HS3ST1: variants seen among roughly 807,000 people sequenced by gnomAD.
HS3ST1 encodes heparan sulfate-glucosamine 3-sulfotransferase 1, also known as heparan sulfate glucosamine 3-O-sulfotransferase 1.
Under a neutral mutation model 20.7 loss-of-function variants are expected in HS3ST1, and 8 were observed. That is an observed-to-expected ratio of 0.39 (90% CI 0.23 to 0.70). The LOEUF (loss-of-function observed/expected upper bound fraction) is 0.70, where lower values mean the gene tolerates loss of function less well. HS3ST1 is among the 30% of genes least tolerant of loss of function. The pLI, the probability that HS3ST1 is intolerant of heterozygous loss-of-function variation, is 0.46. For synonymous variants in HS3ST1, 205 were observed against 190.4 expected, an observed-to-expected ratio of 1.08 and a Z score of -0.63; for missense variants, 436 against 423.4, an observed-to-expected ratio of 1.03 and a Z score of -0.26.
chr4:11,434,111 A>G (rs1252277552), upstream of HS3ST1, among the ~76,000 whole-genome samples: 3 of 152,220 alleles, frequency 2.0e-5, no homozygotes, highest in Non-Finnish European at 1.5e-5. Context: ...AATAGCACTA[A>G]TGCCACAAGA....
intron 1 of HS3ST1, among the ~76,000 whole-genome samples, chr4:11,403,803 G>C (rs950678694): frequency 1.3e-5 from 2 of 152,132 alleles, no homozygotes; most frequent in African/African-American, 4.8e-5. Context: ...CAGGATTCCT[G>C]TCTCTAGTTT....
At chr4:11,420,896 GA>G (rs2108889601) in intron 1 of HS3ST1, among the ~76,000 whole-genome samples, 1 of 152,244 alleles carries the variant, frequency 6.6e-6, no homozygotes, top group South Asian at 2.1e-4. Flanking sequence ...TATGGCACAA[GA>G]ACTTTCAGAA....
Position 11,399,961 on chromosome 4 carries a change from G to T in HS3ST1, c.45C>A (p.Pro15=), listed in dbSNP as rs1718276718. 1.3e-6 allele frequency: 2 copies of T among 1,556,454 alleles called. No individual in the cohort carries two copies. Among genetic ancestry groups the T allele is most frequent in the Non-Finnish European group, 1.7e-6 (2 of 1,155,496 alleles). Residue 15 remains proline, a synonymous_variant, in exon 2 of 2, where the codon CCC becomes CCA. Transcript: ENST00000002596. This position sits in a 1 kb window ranked among gnomAD's most constrained non-coding sequence, Gnocchi z 5.1. ...CGGCGGGGCGGGAAGGCACTAGCTG[G>T]GGCTGGGCCACCAGCAGCACCGCGC... is the stretch of plus-strand genomic sequence containing the variant. ...LLGAVLLVAQ[P]QLVPSRPAEL...
Position 11,397,002 on chromosome 4 carries a change from G to A in HS3ST1, c.*2080C>T, listed in dbSNP as rs1031381410. ...GGAATTTACAGGCAGTTTGCAAAGA[G>A]CATCTTCTTCAGTCAGAGACTCTCA... On this transcript the variant is annotated 3_prime_UTR_variant, in exon 2 of 2. Transcript: ENST00000002596. The A allele has an allele frequency of 6.6e-6, 1 of 152,222 alleles. No individual in the cohort carries two copies. The highest frequency in any genetic ancestry group is 2.4e-5 in the African/African-American group (1 of 41,436). 9.4% of individuals were successfully genotyped at this position (152,222 alleles called of 1,614,324 possible). A position where few individuals can be genotyped will look rare whatever the true frequency, so the allele number is the denominator to read the frequency against.
intron 1 of HS3ST1, among the ~76,000 whole-genome samples, chr4:11,424,556 C>T (rs1719015978): frequency 6.6e-6 from 1 of 152,042 alleles, no homozygotes; most frequent in African/African-American, 2.4e-5. Context: ...TATGGGTTGC[C>T]TCTAGGAATT....
intron 1 of HS3ST1, among the ~76,000 whole-genome samples, chr4:11,424,860 C>CAA (rs3070505): frequency 0.036 from 5,224 of 145,058 alleles, 234 homozygotes; most frequent in East Asian, 0.11. Context: ...CCATCTCCCA[C>CAA]AAAAAAAAAA....
chr4:11,432,691 T>C (rs1235151564), upstream of HS3ST1, among the ~76,000 whole-genome samples: 2 of 152,228 alleles, frequency 1.3e-5, no homozygotes, highest in Admixed American at 6.5e-5. Flanking sequence ...TGTGTGAAAA[T>C]GATATCCTCG....
Position 11,393,323 on chromosome 4 carries a change from A to C in HS3ST1, c.*5759T>G, listed in dbSNP as rs1460296257. ...GTCCGATAAGCTAATAAAAGAGCCT[A>C]CTACTTGGTAACAATTTCAGCCATT... On this transcript the variant is annotated 3_prime_UTR_variant, in exon 2 of 2. Coordinates refer to ENST00000002596, the MANE Select transcript of HS3ST1 (RefSeq NM_005114.4). 1 of 152,242 alleles carries C rather than the reference A, an allele frequency of 6.6e-6. No homozygotes were observed. The highest frequency in any genetic ancestry group is 1.5e-5 in the Non-Finnish European group (1 of 68,046). 9.4% of individuals were successfully genotyped at this position (152,242 alleles called of 1,614,324 possible). A position where few individuals can be genotyped will look rare whatever the true frequency, so the allele number is the denominator to read the frequency against.
At chr4:11,402,578 CAT>C (rs1491498810) in intron 1 of HS3ST1, among the ~76,000 whole-genome samples, 2 of 152,054 alleles carry the variant, frequency 1.3e-5, no homozygotes, top group Admixed American at 1.3e-4. Flanking sequence ...TGTATGCATG[CAT>C]GTGTGTGTGT....
At chr4:11,431,250 AC>A (rs1163001929), upstream of HS3ST1, among the ~76,000 whole-genome samples, 1 of 151,342 alleles carries the variant, frequency 6.6e-6, no homozygotes, top group African/African-American at 2.4e-5. Flanking sequence ...AAAAAAAAAA[AC>A]TTTGTAAATG....
Position 11,399,919 on chromosome 4 carries a change from C to A in HS3ST1, c.87G>T (p.Glu29Asp). 1 of 1,602,228 alleles carries A rather than the reference C, an allele frequency of 6.2e-7. No homozygotes were observed. Among genetic ancestry groups the A allele is most frequent in the East Asian group, 2.3e-5 (1 of 44,374 alleles). The part of the protein sequence containing the change: ...PSRPAELGQQ[E>D]LLRKAGTLQD... ...GGAGGGTCCCCGCTTTCCGCAGAAG[C>A]TCCTGCTGGCCTAGCTCGGCGGGGC... The change falls in exon 2 of 2, where the codon GAG becomes GAT. Residue 29 changes from glutamate to aspartate, a missense_variant. Transcript: ENST00000002596. The surrounding 1 kb of genome is among the most constrained non-coding windows in gnomAD (Gnocchi z 5.1).
Position 11,408,133 on chromosome 4 carries a change from A to T in HS3ST1, c.-108-8020T>A, listed in dbSNP as rs146356354. ...AGGAAAGATGCTGGGAATTAACAGGATTTAGAGCCAAAAACCCAGTCTCAA... is the reference window on the plus strand; with the variant it reads ...AGGAAAGATGCTGGGAATTAACAGGTTTTAGAGCCAAAAACCCAGTCTCAA... On this transcript the variant is annotated intron_variant, in intron 1 of 1. Transcript: ENST00000002596. Among the ~76,000 whole-genome samples the T allele has an allele frequency of 4.5e-3, 683 of 152,276 alleles. 10 individuals carry two copies. Among genetic ancestry groups the T allele is most frequent in the African/African-American group, 0.015 (639 of 41,544 alleles).
rs918484228 is a variant in HS3ST1, at chr4:11,397,664, CTT to C, written c.*1416_*1417del. 8.0e-4 allele frequency: 122 copies of C among 152,182 alleles called. No homozygotes were observed. Among genetic ancestry groups the C allele is most frequent in the African/African-American group, 2.8e-3 (117 of 41,444 alleles). 9.4% of individuals were successfully genotyped at this position (152,182 alleles called of 1,614,324 possible). On this transcript the variant is annotated 3_prime_UTR_variant, in exon 2 of 2. Transcript: ENST00000002596. ...ATGTTCTCTGGGCCTAATTCCTCCT[CTT>C]TGAAATTTCCATAATAATATCTGCA...
At chr4:11,417,293 A>G (rs1430575305) in intron 1 of HS3ST1, among the ~76,000 whole-genome samples, 1 of 152,180 alleles carries the variant, frequency 6.6e-6, no homozygotes, top group African/African-American at 2.4e-5. Flanking sequence ...GGAGGGCGTT[A>G]TGTTCCATGG....
At chr4:11,419,049 G>T (rs746908421) in intron 1 of HS3ST1, among the ~76,000 whole-genome samples, 4 of 151,974 alleles carry the variant, frequency 2.6e-5, no homozygotes, top group Non-Finnish European at 5.9e-5. Flanking sequence ...GGCTGCTGAA[G>T]ACCACCCTGT....
chr4:11,432,880 G>A (rs1237746983), upstream of HS3ST1, among the ~76,000 whole-genome samples: 3 of 152,070 alleles, frequency 2.0e-5, no homozygotes, highest in South Asian at 2.1e-4. Context: ...CAACCATCCC[G>A]TCCCAACGCC....
At position 11,398,867 on chromosome 4, in the gene HS3ST1, T is replaced by A; in HGVS notation, c.*215A>T. On this transcript the variant is annotated 3_prime_UTR_variant, in exon 2 of 2. Transcript: ENST00000002596. The stretch of plus-strand genomic sequence containing the variant: ...CATATAGAGACATATTACACAATGT[T>A]AACAACCATGAAAAACAATACAAAA... The A allele has an allele frequency of 4.1e-6, 2 of 493,156 alleles. No individual in the cohort carries two copies. Among genetic ancestry groups the A allele is most frequent in the Non-Finnish European group, 7.1e-6 (2 of 283,188 alleles). The allele number at this position is 493,156 out of a possible 1,614,324, so 30.5% of individuals were successfully genotyped here.
At chr4:11,402,914 A>AAGGAC (rs1718365027) in intron 1 of HS3ST1, among the ~76,000 whole-genome samples, 1 of 152,238 alleles carries the variant, frequency 6.6e-6, no homozygotes, top group Non-Finnish European at 1.5e-5. Context: ...TTATGAAAGA[A>AAGGAC]AATAACAACA....
intron 1 of HS3ST1, among the ~76,000 whole-genome samples, chr4:11,419,269 T>G (rs1718863349): frequency 6.6e-6 from 1 of 152,088 alleles, no homozygotes; most frequent in African/African-American, 2.4e-5. Context: ...TGCATCTCAT[T>G]GGTTGGCCTA....
Sources: allele counts gnomAD v4.1 joint callset (sites outside exome capture counted in the v4.1 genomes callset), GRCh38; gene constraint gnomAD v4.1.1; non-coding constraint Gnocchi (gnomAD v3.1); transcripts MANE v1.5; gene names NCBI Gene and HGNC (gene_info 2026-07-23, HGNC 2026-07-21).